PIEZO2: variants seen among roughly 807,000 people sequenced by gnomAD.
PIEZO2 encodes piezo type mechanosensitive ion channel component 2, also known as piezo-type mechanosensitive ion channel component 2.
In PIEZO2, 172 loss-of-function variants were observed where a neutral mutation model predicts 337.3. That is an observed-to-expected ratio of 0.51 (90% CI 0.45 to 0.58). The LOEUF (loss-of-function observed/expected upper bound fraction) is 0.58, where lower values mean the gene tolerates loss of function less well. Among genes scored for constraint, PIEZO2 ranks in the 20% least tolerant of loss-of-function variants. PIEZO2 has a pLI of 0.00. For missense variants in PIEZO2, 3,028 were observed against 3,391.3 expected (o/e 0.89, Z 2.66); for synonymous variants, 1,251 against 1,228.5 (o/e 1.02, Z -0.38).
chr18:10,686,376 G>T (rs1025988906), intron 49 of PIEZO2, among the ~76,000 whole-genome samples: 1 of 152,236 alleles, frequency 6.6e-6, no homozygotes, highest in South Asian at 2.1e-4. Flanking sequence ...GGATAGAAGA[G>T]TAGGATAGAA....
chr18:10,852,730 T>C (rs2041590896), intron 7 of PIEZO2, among the ~76,000 whole-genome samples: 2 of 152,160 alleles, frequency 1.3e-5, no homozygotes, highest in Non-Finnish European at 2.9e-5. Context: ...AAGCACTACA[T>C]TACCATCCAG....
At position 10,682,047 on chromosome 18, in the gene PIEZO2, A is replaced by C. The variant is rs1441058613; in HGVS notation, c.7686+57T>G. ...ACTAAACACCCTACAGACAGCTATC[A>C]TAAAGGAATGTGGCGTGGGGCAAGG... is the stretch of plus-strand genomic sequence containing the variant. On this transcript the variant is annotated intron_variant, in intron 50 of 55. Transcript: ENST00000674853. The surrounding 1 kb of genome is among the most constrained non-coding windows in gnomAD (Gnocchi z 5.6). 6.9e-7 allele frequency: 1 copy of C among 1,455,146 alleles called. No homozygotes were observed. The highest frequency in any genetic ancestry group is 9.2e-7 in the Non-Finnish European group (1 of 1,092,572). 90.1% of individuals were successfully genotyped at this position (1,455,146 alleles called of 1,614,324 possible). A position where few individuals can be genotyped will look rare whatever the true frequency, so the allele number is the denominator to read the frequency against.
chr18:10,970,857 C>T (rs548256825), intron 3 of PIEZO2, among the ~76,000 whole-genome samples: 2 of 152,234 alleles, frequency 1.3e-5, no homozygotes, highest in African/African-American at 2.4e-5. Context: ...TGTGTATGGG[C>T]AGAATCAAAA....
At chr18:10,782,511 A>C (rs2039064258) in intron 17 of PIEZO2, among the ~76,000 whole-genome samples, 1 of 132,600 alleles carries the variant, frequency 7.5e-6, no homozygotes, top group African/African-American at 2.8e-5. Context: ...TATATTATAT[A>C]TATTATTATA....
chr18:11,072,951 C>G (rs2038399464), intron 1 of PIEZO2, among the ~76,000 whole-genome samples: 1 of 152,240 alleles, frequency 6.6e-6, no homozygotes, highest in Non-Finnish European at 1.5e-5. Flanking sequence ...GCACTTAGCA[C>G]AGGGCCCTCT....
rs117012943 is a variant in PIEZO2, at chr18:10,803,723, C to T, written c.1200+152G>A. On this transcript the variant is annotated intron_variant, in intron 9 of 55. Transcript: ENST00000674853. ...ATTTTCTTTGGAAATAGTTTTCCCTCTCTGGTACTAACTCTCCTAAATCAC... is the reference window on the plus strand; with the variant it reads ...ATTTTCTTTGGAAATAGTTTTCCCTTTCTGGTACTAACTCTCCTAAATCAC... 9.5e-3 allele frequency among the ~76,000 whole-genome samples: 1,441 copies of T among 152,292 alleles called. 13 individuals are homozygous for T. Among genetic ancestry groups the T allele is most frequent in the Non-Finnish European group, 0.015 (1,047 of 68,034 alleles).
chr18:11,052,906 G>A (rs754391831), intron 2 of PIEZO2, among the ~76,000 whole-genome samples: 7 of 152,166 alleles, frequency 4.6e-5, no homozygotes, highest in Non-Finnish European at 7.3e-5. Context: ...GCCTGGTGAT[G>A]TATCAGCCAA....
At chr18:10,939,224 G>GAAT (rs1165178155) in intron 3 of PIEZO2, among the ~76,000 whole-genome samples, 1 of 145,380 alleles carries the variant, frequency 6.9e-6, no homozygotes, top group Non-Finnish European at 1.5e-5. Context: ...TATGCCAATA[G>GAAT]AATAGCTGGA....
chr18:10,979,480 C>A lies in PIEZO2; in HGVS notation c.286+55G>T. On this transcript the variant is annotated intron_variant, in intron 3 of 55. Transcript: ENST00000674853. This position sits in a 1 kb window ranked among gnomAD's most constrained non-coding sequence, Gnocchi z 4.0. ...TGCGATGACACACAGCTTTATTATG[C>A]ACGTATATAAAAGAAATAAAAGAAA... is the stretch of plus-strand genomic sequence containing the variant. 2 of 1,382,786 alleles carry A rather than the reference C, an allele frequency of 1.4e-6. No individual in the cohort carries two copies. Among genetic ancestry groups the A allele is most frequent in the Non-Finnish European group, 1.9e-6 (2 of 1,054,184 alleles). 85.7% of individuals were successfully genotyped at this position (1,382,786 alleles called of 1,614,324 possible). A position where few individuals can be genotyped will look rare whatever the true frequency, so the allele number is the denominator to read the frequency against.
At chr18:10,944,109 G>A (rs1349160724) in intron 3 of PIEZO2, among the ~76,000 whole-genome samples, 2 of 152,090 alleles carry the variant, frequency 1.3e-5, no homozygotes, top group Non-Finnish European at 2.9e-5. Flanking sequence ...CTAATGCAAT[G>A]ACAAATGAGG....
chr18:11,114,834 A>C (rs1033469140), intron 1 of PIEZO2, among the ~76,000 whole-genome samples: 1 of 152,166 alleles, frequency 6.6e-6, no homozygotes, highest in Admixed American at 6.5e-5. Flanking sequence ...TGAATCATCA[A>C]ATAAACACAC....
At chr18:10,780,192 C>T (rs2038929665) in intron 18 of PIEZO2, 133 bp downstream of exon 18, 1 of 635,858 alleles carries the variant, frequency 1.6e-6, no homozygotes, top group Non-Finnish European at 2.9e-6. Flanking sequence ...TTGCAAAATA[C>T]ATCCATGAGC....
intron 5 of PIEZO2, among the ~76,000 whole-genome samples, chr18:10,866,157 T>C (rs2042000239): frequency 6.6e-6 from 1 of 152,228 alleles, no homozygotes; most frequent in African/African-American, 2.4e-5. Context: ...TTCGTTTAAA[T>C]AGTTTAAAGA....
intron 2 of PIEZO2, among the ~76,000 whole-genome samples, chr18:10,983,712 A>C (rs1424797544): frequency 6.6e-6 from 1 of 151,998 alleles, no homozygotes; most frequent in Non-Finnish European, 1.5e-5. Context: ...GAACTTCCCC[A>C]GCACCCTGTG....
At chr18:10,704,786 G>C in intron 41 of PIEZO2, 134 bp from the exon 42 acceptor site, 1 of 1,069,784 alleles carries the variant, frequency 9.3e-7, no homozygotes, top group Non-Finnish European at 1.3e-6. Context: ...CCGAACTCAA[G>C]CCATTCTCCT....
At chr18:10,806,948 T>C (rs2144325576) in intron 8 of PIEZO2, among the ~76,000 whole-genome samples, 164 bp downstream of exon 8, 1 of 152,358 alleles carries the variant, frequency 6.6e-6, no homozygotes, top group Non-Finnish European at 1.5e-5. Flanking sequence ...ATAGTATTTA[T>C]ATTCACTTAA....
At chr18:10,936,593 A>G (rs1022114028) in intron 3 of PIEZO2, among the ~76,000 whole-genome samples, 12 of 152,122 alleles carry the variant, frequency 7.9e-5, no homozygotes, top group Non-Finnish European at 8.8e-5. Context: ...GGGGATGTTA[A>G]GGGCCTGGCA....
intron 2 of PIEZO2, among the ~76,000 whole-genome samples, chr18:11,054,698 C>A (rs576517678): frequency 6.6e-6 from 1 of 152,256 alleles, no homozygotes; most frequent in African/African-American, 2.4e-5. Context: ...GTGAACACTG[C>A]GAAAAAGAAT....
intron 7 of PIEZO2, among the ~76,000 whole-genome samples, chr18:10,817,689 A>G (rs1287526355): frequency 1.3e-5 from 2 of 152,130 alleles, no homozygotes; most frequent in Admixed American, 6.5e-5. Flanking sequence ...TTTGGGAGGC[A>G]GAGGTGGGTG....
Sources: allele counts gnomAD v4.1 joint callset (sites outside exome capture counted in the v4.1 genomes callset), GRCh38; gene constraint gnomAD v4.1.1; non-coding constraint Gnocchi (gnomAD v3.1); transcripts MANE v1.5; gene names NCBI Gene and HGNC (gene_info 2026-07-23, HGNC 2026-07-21).